FAM216A: variants seen among roughly 807,000 people sequenced by gnomAD.
FAM216A encodes the protein family with sequence similarity 216 member A.
In FAM216A, 26 loss-of-function variants were observed where a neutral mutation model predicts 37.6. The observed-to-expected ratio is 0.69, with a 90% CI of 0.51 to 0.96. FAM216A has a LOEUF of 0.96. Among genes scored for constraint, FAM216A ranks in the 40% least tolerant of loss-of-function variants. The probability of loss-of-function intolerance (pLI) is 0.00; values close to 1 mark genes in which losing one functional copy is unlikely to be tolerated. For missense variants in FAM216A, 326 were observed against 339.3 expected (o/e 0.96, Z 0.31); for synonymous variants, 110 against 121.7 (o/e 0.90, Z 0.64).
At chr12:110,471,006 A>C (rs2062683941) in intron 1 of FAM216A, among the ~76,000 whole-genome samples, 1 of 152,094 alleles carries the variant, frequency 6.6e-6, no homozygotes, top group African/African-American at 2.4e-5. Flanking sequence ...AAAAATCATC[A>C]ATTCCGGTCA....
At chr12:110,483,513 T>G (rs2062760126) in intron 2 of FAM216A, among the ~76,000 whole-genome samples, 1 of 151,890 alleles carries the variant, frequency 6.6e-6, no homozygotes, top group South Asian at 2.1e-4. Context: ...TTTTATGCTG[T>G]CCACAACTGT....
chr12:110,475,066 T>G (rs2062707537), intron 2 of FAM216A, among the ~76,000 whole-genome samples: 1 of 152,194 alleles, frequency 6.6e-6, no homozygotes, highest in Admixed American at 6.6e-5. Flanking sequence ...TTTTATACAC[T>G]TAGTTTACTT....
intron 3 of FAM216A, among the ~76,000 whole-genome samples, chr12:110,485,519 A>C (rs1189064835): frequency 6.6e-6 from 1 of 152,178 alleles, no homozygotes; most frequent in Non-Finnish European, 1.5e-5. Flanking sequence ...ACCCAACTTC[A>C]CACATATTTT....
intron 2 of FAM216A, among the ~76,000 whole-genome samples, chr12:110,478,447 AC>A (rs2062727213): frequency 6.6e-6 from 1 of 152,030 alleles, no homozygotes; most frequent in Admixed American, 6.6e-5. Flanking sequence ...TTAAGTTATA[AC>A]CCTCAAAAGA....
chr12:110,476,444 GT>G (rs2062715147), intron 2 of FAM216A, among the ~76,000 whole-genome samples: 1 of 151,680 alleles, frequency 6.6e-6, no homozygotes, highest in Non-Finnish European at 1.5e-5. Flanking sequence ...TCCTGACCTC[GT>G]GATCTACCCG....
At chr12:110,471,359 A>C (rs922086480) in intron 1 of FAM216A, among the ~76,000 whole-genome samples, 6 of 152,164 alleles carry the variant, frequency 3.9e-5, no homozygotes, top group African/African-American at 1.4e-4. Flanking sequence ...AGAGTGCTGG[A>C]TTACAGGCGG....
intron 2 of FAM216A, among the ~76,000 whole-genome samples, chr12:110,479,875 A>G (rs2135548659): frequency 6.6e-6 from 1 of 151,946 alleles, no homozygotes; most frequent in African/African-American, 2.4e-5. Context: ...AAACAACAAA[A>G]AAAAGCCTAG....
At position 110,487,930 on chromosome 12, in the gene FAM216A, G is replaced by A. The variant is rs773195396; in HGVS notation, c.690G>A (p.Leu230=). The part of the protein sequence containing the change: ...SLKIFRRPRK[L]FMQTVSSDDS... ...AGATTTTTAGAAGACCAAGGAAACT[G>A]TTCATGCAAACAGGTAAATGTGGAA... The change falls in exon 6 of 7, where the codon CTG becomes CTA. Residue 230 remains leucine (L), a synonymous_variant. Transcript: ENST00000377673. The A allele has an allele frequency of 6.3e-7, 1 of 1,597,884 alleles. No individual in the cohort carries two copies. Among genetic ancestry groups the A allele is most frequent in the African/African-American group, 1.3e-5 (1 of 74,528 alleles).
intron 2 of FAM216A, among the ~76,000 whole-genome samples, 186 bp from the exon 3 acceptor site, chr12:110,484,892 G>T (rs1340595028): frequency 6.6e-6 from 1 of 151,988 alleles, no homozygotes; most frequent in Non-Finnish European, 1.5e-5. Context: ...AGTAGAGACA[G>T]GGTTTCACCG....
At position 110,485,206 on chromosome 12, in the gene FAM216A, T is replaced by C. The variant is rs771822871; in HGVS notation, c.306+7T>C. 1.7e-5 allele frequency: 27 copies of C among 1,598,772 alleles called. No homozygotes were observed. The highest frequency in any genetic ancestry group is 5.5e-5 in the Admixed American group (3 of 55,036). On this transcript the variant is annotated splice_region_variant and intron_variant, in intron 3 of 6. Coordinates refer to ENST00000377673, the MANE Select transcript of FAM216A (RefSeq NM_013300.3). ...GGAGGCGTCCTTTTTCAAGGTATGC[T>C]AACAGGGACATATTTAAATACCAAT...
intron 2 of FAM216A, among the ~76,000 whole-genome samples, chr12:110,483,327 T>C (rs990723587): frequency 3.4e-5 from 3 of 88,078 alleles, no homozygotes; most frequent in Non-Finnish European, 6.2e-5. Flanking sequence ...CGAGACTCCT[T>C]CTCAAAAAAA....
rs189665214 is a variant in FAM216A at position 110,480,450 on chromosome 12, G to A, written c.185-4628G>A. ...GATCTCCTGACCTCGTGATCCGCCC[G>A]CCTCGGCCTCCCAAAGTGCTGGGAT... On this transcript the variant is annotated intron_variant, in intron 2 of 6. Coordinates refer to ENST00000377673, the MANE Select transcript of FAM216A (RefSeq NM_013300.3). Among the ~76,000 whole-genome samples, 892 of 151,572 alleles carry A rather than the reference G, an allele frequency of 5.9e-3. 22 individuals are homozygous for A. Among genetic ancestry groups the A allele is most frequent in the Admixed American group, 0.048 (731 of 15,190 alleles).
intron 2 of FAM216A, among the ~76,000 whole-genome samples, chr12:110,478,880 C>T (rs1419911838): frequency 6.6e-6 from 1 of 151,892 alleles, no homozygotes; most frequent in East Asian, 1.9e-4. Context: ...ACATAGAGCC[C>T]CTTTTTAAAA....
chr12:110,481,726 G>C (rs943254173), intron 2 of FAM216A, among the ~76,000 whole-genome samples: 1 of 152,100 alleles, frequency 6.6e-6, no homozygotes, highest in Admixed American at 6.6e-5. Flanking sequence ...GAGAAATTAA[G>C]TGTTGGTCCA....
chr12:110,486,018 C>T (rs2062774813), intron 3 of FAM216A, among the ~76,000 whole-genome samples: 1 of 152,168 alleles, frequency 6.6e-6, no homozygotes, highest in Non-Finnish European at 1.5e-5. Context: ...GCAAGATGCC[C>T]ACACTGAGAG....
chr12:110,483,058 G>C (rs2062756826), intron 2 of FAM216A, among the ~76,000 whole-genome samples: 1 of 152,074 alleles, frequency 6.6e-6, no homozygotes, highest in South Asian at 2.1e-4. Flanking sequence ...AGGCGCGGTG[G>C]CTCATGCCTG....
In FAM216A at chr12:110,486,589, T is replaced by C. The variant is rs770837675; in HGVS notation, c.492T>C (p.His164=). 6.2e-7 allele frequency: 1 copy of C among 1,614,088 alleles called. No individual in the cohort carries two copies. The highest frequency in any genetic ancestry group is 2.2e-5 in the East Asian group (1 of 44,884). ...RLSSRYSQKQ[H]YPCTTWRHQL... is the part of the protein sequence containing the mutation. ...GCTCCCGTTACTCACAGAAACAGCA[T>C]TACCCTTGCACTACATGGCGACATC... Residue 164 remains histidine (H), a synonymous_variant, in exon 5 of 7, where the codon CAT becomes CAC. Coordinates refer to ENST00000377673, the MANE Select transcript of FAM216A (RefSeq NM_013300.3).
upstream of FAM216A, chr12:110,468,736 G>A: frequency 3.4e-6 from 5 of 1,491,902 alleles, no homozygotes; most frequent in Non-Finnish European, 4.5e-6. Flanking sequence ...CCGTAACTCC[G>A]GGGTCGCGGA....
Position 110,490,229 on chromosome 12 carries a change from T to C in FAM216A, c.*92T>C, listed in dbSNP as rs2062804493. ...ATGTTTAGGATGGTATTGTTATTTA[T>C]TAAATCATTAAGTAATTTTGGTTTG... is the stretch of plus-strand genomic sequence containing the variant. On this transcript the variant is annotated 3_prime_UTR_variant, in exon 7 of 7. Transcript: ENST00000377673. The C allele has an allele frequency of 1.3e-6, 1 of 748,242 alleles. No individual in the cohort carries two copies. Among genetic ancestry groups the C allele is most frequent in the African/African-American group, 1.8e-5 (1 of 56,926 alleles). 46.4% of individuals were successfully genotyped at this position (748,242 alleles called of 1,614,324 possible). A position where few individuals can be genotyped will look rare whatever the true frequency, so the allele number is the denominator to read the frequency against.
Sources: gnomAD v4.1 joint callset for allele counts (sites outside exome capture counted in the v4.1 genomes callset) on GRCh38, gnomAD v4.1.1 for gene constraint, MANE v1.5 for transcripts, NCBI Gene and HGNC (gene_info 2026-07-23, HGNC 2026-07-21) for gene names.